Variants in ZNF706 observed in about 807,000 individuals in gnomAD.
ZNF706 encodes zinc finger protein 706.
Under a neutral mutation model 9.2 loss-of-function variants are expected in ZNF706, and 4 were observed. The ratio of observed to expected loss-of-function variants is 0.43; its 90% CI spans 0.21 to 0.99. The LOEUF (loss-of-function observed/expected upper bound fraction) is 0.99, where lower values mean the gene tolerates loss of function less well. Among genes scored for constraint, ZNF706 ranks in the 50% least tolerant of loss-of-function variants. The pLI is 0.26. For synonymous variants in ZNF706, 28 were observed against 27.3 expected, an observed-to-expected ratio of 1.03 and a Z score of -0.08; for missense variants, 27 against 87.8, an observed-to-expected ratio of 0.31 and a Z score of 2.77.
At position 101,200,110 on chromosome 8, in the gene ZNF706, T is replaced by C; in HGVS notation, c.136-13A>G. 6.2e-7 allele frequency: 1 copy of C among 1,606,262 alleles called. No individual in the cohort carries two copies. Among genetic ancestry groups the C allele is most frequent in the Non-Finnish European group, 8.5e-7 (1 of 1,173,948 alleles). On this transcript the variant is annotated splice_polypyrimidine_tract_variant and intron_variant, in intron 2 of 3. Transcript: ENST00000311212. ...CTGGCATTTGTGTCTAACAAAAAATTGTGCAAAAGAGAGCTAGACTTTATT... is the reference window on the plus strand; with the variant it reads ...CTGGCATTTGTGTCTAACAAAAAATCGTGCAAAAGAGAGCTAGACTTTATT...
chr8:101,203,111 A>T (rs1810623579), intron 1 of ZNF706: 1 of 152,164 alleles, frequency 6.6e-6, no homozygotes, highest in Non-Finnish European at 1.5e-5. Flanking sequence ...TTCTTTTACA[A>T]AGCTGAAAGA....
rs1810436275 is a variant in ZNF706, at chr8:101,198,345, T to C, written c.*907A>G. 1 of 152,198 alleles carries C rather than the reference T, an allele frequency of 6.6e-6. No homozygotes were observed. Among genetic ancestry groups the C allele is most frequent in the East Asian group, 1.9e-4 (1 of 5,198 alleles). 9.4% of individuals were successfully genotyped at this position (152,198 alleles called of 1,614,324 possible). ...AATCTTCCTGTTAATGCAAAATCCA[T>C]TTGTAAAAATGGCCAAATAGTAACT... On this transcript the variant is annotated 3_prime_UTR_variant, in exon 4 of 4. Transcript: ENST00000311212.
At position 101,197,224 on chromosome 8, in the gene ZNF706, CTCAG is replaced by C. The variant is rs1220693041; in HGVS notation, c.*2024_*2027del. ...CAGCATACAAATGGACCAATTCTCT[CTCAG>C]TGTTATTTTATCAAGTCTTTGAAGA... is the stretch of plus-strand genomic sequence containing the variant. On this transcript the variant is annotated 3_prime_UTR_variant, in exon 4 of 4. Transcript: ENST00000311212. 1 of 152,100 alleles carries C rather than the reference CTCAG, an allele frequency of 6.6e-6. No homozygotes were observed. The highest frequency in any genetic ancestry group is 1.5e-5 in the Non-Finnish European group (1 of 68,018). The allele number at this position is 152,100 out of a possible 1,614,324, so 9.4% of individuals were successfully genotyped here.
rs1810449293 is a variant in ZNF706 at position 101,198,649 on chromosome 8, T to G, written c.*603A>C. On this transcript the variant is annotated 3_prime_UTR_variant, in exon 4 of 4. Transcript: ENST00000311212. ...CAGGTCATACTGCAATTTTAAATAT[T>G]CCAACTCAAACACAGGAAATGATCA... 6.6e-6 allele frequency: 1 copy of G among 152,162 alleles called. No individual in the cohort carries two copies. 9.4% of individuals were successfully genotyped at this position (152,162 alleles called of 1,614,324 possible). A position where few individuals can be genotyped will look rare whatever the true frequency, so the allele number is the denominator to read the frequency against.
rs1810448532 is a variant in ZNF706 at position 101,198,626 on chromosome 8, G to A, written c.*626C>T. On this transcript the variant is annotated 3_prime_UTR_variant, in exon 4 of 4. Transcript: ENST00000311212. ...TACACCTGACTGGCAGTTAGAGCCA[G>A]GTCATACTGCAATTTTAAATATTCC... 6.6e-6 allele frequency: 1 copy of A among 152,194 alleles called. No individual in the cohort carries two copies. The allele number at this position is 152,194 out of a possible 1,614,324, so 9.4% of individuals were successfully genotyped here.
At chr8:101,199,962 C>CA in intron 3 of ZNF706, 28 bp downstream of exon 3, 1 of 1,521,858 alleles carries the variant, frequency 6.6e-7, no homozygotes, top group Non-Finnish European at 9.1e-7. Flanking sequence ...CTGTTATTAA[C>CA]AAACCAATAG....
chr8:101,201,420 C>T lies in ZNF706; in HGVS notation c.135+187G>A. 1.1e-5 allele frequency: 6 copies of T among 567,048 alleles called. No individual in the cohort carries two copies. The highest frequency in any genetic ancestry group is 1.5e-5 in the Non-Finnish European group (5 of 336,178). 35.1% of individuals were successfully genotyped at this position (567,048 alleles called of 1,614,324 possible). A position where few individuals can be genotyped will look rare whatever the true frequency, so the allele number is the denominator to read the frequency against. On this transcript the variant is annotated intron_variant, in intron 2 of 3. Coordinates refer to ENST00000311212, the MANE Select transcript of ZNF706 (RefSeq NM_016096.5). The surrounding 1 kb of genome is among the most constrained non-coding windows in gnomAD (Gnocchi z 4.5). Reference sequence around the variant, plus strand: ...TTTCCCAGCACCTAGAGATTTTTGCCTGGCCACAGGAGCCATTCAAAAAAT... The same window carrying T: ...TTTCCCAGCACCTAGAGATTTTTGCTTGGCCACAGGAGCCATTCAAAAAAT...
At position 101,205,016 on chromosome 8, in the gene ZNF706, CCT is replaced by C; in HGVS notation, c.-3+417_-3+418del. The C allele has an allele frequency of 1.1e-6, 1 of 909,586 alleles. No homozygotes were observed. The highest frequency in any genetic ancestry group is 1.3e-6 in the Non-Finnish European group (1 of 760,788). 56.3% of individuals were successfully genotyped at this position (909,586 alleles called of 1,614,324 possible). A position where few individuals can be genotyped will look rare whatever the true frequency, so the allele number is the denominator to read the frequency against. Reference sequence around the variant, plus strand: ...TGGCGCACCTTCCTTCCCAAACCCGCCTCTCCCGCCTCGGAGACCCCCTCCTC... The same window carrying C: ...TGGCGCACCTTCCTTCCCAAACCCGCCTCCCGCCTCGGAGACCCCCTCCTC... On this transcript the variant is annotated intron_variant, in intron 1 of 3. Transcript: ENST00000311212. This position sits in a 1 kb window ranked among gnomAD's most constrained non-coding sequence, Gnocchi z 6.6.
chr8:101,204,701 G>C (rs1810687918), intron 1 of ZNF706: 1 of 985,372 alleles, frequency 1.0e-6, no homozygotes, highest in African/African-American at 1.7e-5. Flanking sequence ...GGGCTGCAAA[G>C]AGGGAAGTAG....
intron 2 of ZNF706, chr8:101,200,317 A>C: frequency 2.3e-6 from 1 of 434,024 alleles, no homozygotes; most frequent in South Asian, 2.4e-5. Context: ...CATAGAATGT[A>C]TTCTGCTTAT....
At position 101,204,552 on chromosome 8, in the gene ZNF706, C is replaced by A. The variant is rs74875750; in HGVS notation, c.-3+883G>T. 402 of 917,038 alleles carry A rather than the reference C, an allele frequency of 4.4e-4. 1 individual carries two copies. In the East Asian group the frequency reaches 0.014, roughly 33 times the overall value. 56.8% of individuals were successfully genotyped at this position (917,038 alleles called of 1,614,324 possible). The stretch of plus-strand genomic sequence containing the variant: ...GACAGCTCAACTTAGGACTTGCTCT[C>A]AAGCCAACACAATTTTCTACAAAAT... On this transcript the variant is annotated intron_variant, in intron 1 of 3. Coordinates refer to ENST00000311212, the MANE Select transcript of ZNF706 (RefSeq NM_016096.5).
chr8:101,204,088 C>T (rs143664807), intron 1 of ZNF706: 292 of 152,300 alleles, frequency 1.9e-3, no homozygotes, highest in African/African-American at 6.5e-3. Flanking sequence ...TCTTAATACA[C>T]TGATTTTGTG....
At chr8:101,200,679 T>C (rs575844365) in intron 2 of ZNF706, 266 of 153,244 alleles carry the variant, frequency 1.7e-3, no homozygotes, top group Non-Finnish European at 2.3e-3. Context: ...TCTTCATTAC[T>C]AGTTGATTAA....
At position 101,197,319 on chromosome 8, in the gene ZNF706, G is replaced by A. The variant is rs1332990756; in HGVS notation, c.*1933C>T. On this transcript the variant is annotated 3_prime_UTR_variant, in exon 4 of 4. Coordinates refer to ENST00000311212, the MANE Select transcript of ZNF706 (RefSeq NM_016096.5). ...AAAGAATCTTCAAATTAAATTACAG[G>A]GATGTTTGGTTTTTAACTCAAACAC... The A allele has an allele frequency of 1.3e-5, 2 of 151,998 alleles. No homozygotes were observed. Among genetic ancestry groups the A allele is most frequent in the Non-Finnish European group, 2.9e-5 (2 of 67,994 alleles). 9.4% of individuals were successfully genotyped at this position (151,998 alleles called of 1,614,324 possible). A position where few individuals can be genotyped will look rare whatever the true frequency, so the allele number is the denominator to read the frequency against.
chr8:101,200,715 C>A (rs899715633), intron 2 of ZNF706: 1 of 152,888 alleles, frequency 6.5e-6, no homozygotes, highest in Non-Finnish European at 1.5e-5. Flanking sequence ...TCTTTCCAAA[C>A]AATCACAAGC....
rs751198838 is a variant in ZNF706, at chr8:101,197,680, C to T, written c.*1572G>A. On this transcript the variant is annotated 3_prime_UTR_variant, in exon 4 of 4. Transcript: ENST00000311212. Reference sequence around the variant, plus strand: ...CACAAGAAATTAGGTAAAATTCTAACGTTCTGGTAATCGACATGTTAGGAA... The same window carrying T: ...CACAAGAAATTAGGTAAAATTCTAATGTTCTGGTAATCGACATGTTAGGAA... 3.9e-5 allele frequency: 6 copies of T among 152,268 alleles called. No homozygotes were observed. The highest frequency in any genetic ancestry group is 8.8e-5 in the Non-Finnish European group (6 of 68,006). 9.4% of individuals were successfully genotyped at this position (152,268 alleles called of 1,614,324 possible).
rs1157372324 is a variant in ZNF706 at position 101,198,496 on chromosome 8, G to C, written c.*756C>G. 6.6e-6 allele frequency: 1 copy of C among 152,126 alleles called. No individual in the cohort carries two copies. The allele number at this position is 152,126 out of a possible 1,614,324, so 9.4% of individuals were successfully genotyped here. On this transcript the variant is annotated 3_prime_UTR_variant, in exon 4 of 4. Coordinates refer to ENST00000311212, the MANE Select transcript of ZNF706 (RefSeq NM_016096.5). The stretch of plus-strand genomic sequence containing the variant: ...GTTCCATATTTTGCATTAAACAATA[G>C]GCTTAATGATTATTTCATTACGGCA...
chr8:101,201,489 G>T lies in ZNF706; in HGVS notation c.135+118C>A. 2 of 915,668 alleles carry T rather than the reference G, an allele frequency of 2.2e-6. No homozygotes were observed. The highest frequency in any genetic ancestry group is 3.2e-6 in the Non-Finnish European group (2 of 616,190). 56.7% of individuals were successfully genotyped at this position (915,668 alleles called of 1,614,324 possible). ...TGAAAATAGATACCTAAAATAATCAGCTCTCAAACCTACTATTTCATGTAA... is the reference window on the plus strand; with the variant it reads ...TGAAAATAGATACCTAAAATAATCATCTCTCAAACCTACTATTTCATGTAA... On this transcript the variant is annotated intron_variant, in intron 2 of 3. Transcript: ENST00000311212. This position sits in a 1 kb window ranked among gnomAD's most constrained non-coding sequence, Gnocchi z 4.5.
At chr8:101,199,451 G>T (rs1554635408) in intron 3 of ZNF706, among the ~76,000 whole-genome samples, 3 of 152,106 alleles carry the variant, frequency 2.0e-5, no homozygotes, top group Non-Finnish European at 4.4e-5. Flanking sequence ...TATTTAGGGG[G>T]AAAAAATCCA....
Sources: allele counts gnomAD v4.1 joint callset (sites outside exome capture counted in the v4.1 genomes callset), GRCh38; gene constraint gnomAD v4.1.1; non-coding constraint Gnocchi (gnomAD v3.1); transcripts MANE v1.5; gene names NCBI Gene and HGNC (gene_info 2026-07-23, HGNC 2026-07-21).